Variants in PDE6A observed in about 807,000 individuals in gnomAD.
The protein encoded by PDE6A is phosphodiesterase 6A.
In PDE6A, 84 loss-of-function variants were observed where a neutral mutation model predicts 106.3. That is an observed-to-expected ratio of 0.79 (90% CI 0.66 to 0.95). The LOEUF (loss-of-function observed/expected upper bound fraction) is 0.95, where lower values mean the gene tolerates loss of function less well. PDE6A is among the 40% of genes least tolerant of loss of function. The pLI, the probability that PDE6A is intolerant of heterozygous loss-of-function variation, is 0.00. For missense variants in PDE6A, 1,052 were observed against 1,084.9 expected, an observed-to-expected ratio of 0.97 and a Z score of 0.43; for synonymous variants, 394 against 386.6, an observed-to-expected ratio of 1.02 and a Z score of -0.23.
At chr5:149,896,003 G>T (rs1038106365) in intron 12 of PDE6A, among the ~76,000 whole-genome samples, 4 of 152,104 alleles carry the variant, frequency 2.6e-5, no homozygotes, top group African/African-American at 9.7e-5. Flanking sequence ...CCTTAGTAAG[G>T]AATCCTGCAG....
In PDE6A at chr5:149,868,149, C is replaced by G; in HGVS notation, c.2145G>C (p.Met715Ile). ...TGGCTGAGAGATCACAGGCGGTCAT[C>G]ATCATGGCCCTGGGCACACAGGACA... The part of the protein sequence containing the change: ...QTRKEIVMAM[M>I]MTACDLSAIT... Residue 715 changes from methionine (M) to isoleucine (I), a missense_variant, in exon 18 of 22, where the codon ATG becomes ATC. Met to Ile is a conservative substitution (Grantham distance 10). Coordinates refer to ENST00000255266, the MANE Select transcript of PDE6A (RefSeq NM_000440.3). The G allele has an allele frequency of 6.2e-7, 1 of 1,614,194 alleles. No individual in the cohort carries two copies. The highest frequency in any genetic ancestry group is 8.5e-7 in the Non-Finnish European group (1 of 1,180,028).
chr5:149,943,815 A>T (rs1754384217), intron 1 of PDE6A, among the ~76,000 whole-genome samples: 1 of 147,926 alleles, frequency 6.8e-6, no homozygotes, highest in South Asian at 2.2e-4. Flanking sequence ...AGTACTGTGT[A>T]TTTCCAGAAC....
chr5:149,898,656 T>C (rs921315270), intron 9 of PDE6A, 150 bp from the exon 10 acceptor site: 1 of 727,562 alleles, frequency 1.4e-6, no homozygotes, highest in African/African-American at 1.8e-5. Context: ...GGAGTTCTTA[T>C]AAGGCTAAGA....
rs201026028 is a variant in PDE6A, at chr5:149,896,699, G to T, written c.1473+12C>A. The T allele has an allele frequency of 2.5e-6, 4 of 1,613,906 alleles. No homozygotes were observed. In the South Asian group the frequency reaches 4.4e-5, roughly 18 times the overall value. On this transcript the variant is annotated intron_variant, in intron 11 of 21. Coordinates refer to ENST00000255266, the MANE Select transcript of PDE6A (RefSeq NM_000440.3). Reference sequence around the variant, plus strand: ...TATACATCGGGGCTCGTGCTGCCCCGGTTCAGCTCACCAGGATCTCAGCCA... The same window carrying T: ...TATACATCGGGGCTCGTGCTGCCCCTGTTCAGCTCACCAGGATCTCAGCCA...
chr5:149,938,833 T>C (rs1561790644), intron 1 of PDE6A, among the ~76,000 whole-genome samples: 1 of 152,148 alleles, frequency 6.6e-6, no homozygotes, highest in Admixed American at 6.5e-5. Flanking sequence ...AAGTAGGAAT[T>C]TGGAGGGGGT....
chr5:149,871,610 G>GAGCA lies in PDE6A; in HGVS notation c.2136-3456_2136-3453dup, dbSNP rs201301509. Among the ~76,000 whole-genome samples the GAGCA allele has an allele frequency of 5.4e-3, 817 of 152,264 alleles. 12 individuals carry two copies. Among genetic ancestry groups the GAGCA allele is most frequent in the African/African-American group, 0.019 (786 of 41,538 alleles). Reference sequence around the variant, plus strand: ...AGCTTAAAGGTTGGGGGAGCTCAGGGAGCAGGTGGGAGACCTGGTAAGAGA... The same window carrying GAGCA: ...AGCTTAAAGGTTGGGGGAGCTCAGGGAGCAAGCAGGTGGGAGACCTGGTAAGAGA... On this transcript the variant is annotated intron_variant, in intron 17 of 21. Coordinates refer to ENST00000255266, the MANE Select transcript of PDE6A (RefSeq NM_000440.3).
chr5:149,944,382 T>C lies in PDE6A; in HGVS notation c.292A>G (p.Met98Val). 1.2e-6 allele frequency: 2 copies of C among 1,614,166 alleles called. No individual in the cohort carries two copies. The highest frequency in any genetic ancestry group is 3.3e-4 in the Middle Eastern group (2 of 6,062). Reference protein sequence around the residue: ...LLQADRMSLFMYRTRNGIAEL... With the variant: ...LLQADRMSLFVYRTRNGIAEL... ...GCGATGCCATTGCGGGTCCGGTACA[T>C]GAACAGGCTCATGCGGTCTGCCTGC... The change falls in exon 1 of 22, where the codon ATG becomes GTG. Residue 98 changes from methionine to valine, a missense_variant. Met to Val is a conservative substitution (Grantham distance 21). Around this residue, in one of 3 missense-constraint regions of PDE6A, gnomAD observed 913 missense variants for 915.2 expected, o/e 1.00. Coordinates refer to ENST00000255266, the MANE Select transcript of PDE6A (RefSeq NM_000440.3).
intron 1 of PDE6A, among the ~76,000 whole-genome samples, chr5:149,941,821 G>A (rs1359562909): frequency 2.0e-5 from 3 of 152,218 alleles, no homozygotes; most frequent in African/African-American, 7.2e-5. Context: ...ACAACTGACA[G>A]AAACTGAATA....
intron 2 of PDE6A, 43 bp downstream of exon 2, chr5:149,934,523 A>C: frequency 6.2e-7 from 1 of 1,604,858 alleles, no homozygotes; most frequent in Non-Finnish European, 8.5e-7. Context: ...AGGCTGGGAG[A>C]ATGTGCTAGC....
intron 13 of PDE6A, among the ~76,000 whole-genome samples, chr5:149,893,426 G>C (rs1371076194): frequency 6.6e-6 from 1 of 152,196 alleles, no homozygotes; most frequent in African/African-American, 2.4e-5. Context: ...CTGCCATCAT[G>C]AAGGAAACCG....
Position 149,921,572 on chromosome 5 carries a change from G to A in PDE6A, c.933+63C>T, listed in dbSNP as rs1018767507. 3.7e-6 allele frequency: 5 copies of A among 1,335,588 alleles called. No homozygotes were observed. The East Asian group carries it at 1.1e-4, about 31-fold the overall frequency. 82.7% of individuals were successfully genotyped at this position (1,335,588 alleles called of 1,614,324 possible). ...TATGCTAATAAAAAATCCTTTAACA[G>A]GGTTTACTGTGCCTTGCATTTGAAT... On this transcript the variant is annotated intron_variant, in intron 5 of 21. Coordinates refer to ENST00000255266, the MANE Select transcript of PDE6A (RefSeq NM_000440.3).
chr5:149,927,013 A>ATGAAAAC (rs1464830426), intron 4 of PDE6A, among the ~76,000 whole-genome samples: 5 of 151,070 alleles, frequency 3.3e-5, no homozygotes, highest in African/African-American at 1.2e-4. Flanking sequence ...GAGAGAGAGA[A>ATGAAAAC]TGAAAACACC....
intron 6 of PDE6A, among the ~76,000 whole-genome samples, chr5:149,914,062 A>T (rs952314098): frequency 6.6e-6 from 1 of 152,188 alleles, no homozygotes; most frequent in Non-Finnish European, 1.5e-5. Context: ...GAAGAGTAGC[A>T]CTGCAGAAAA....
At position 149,867,815 on chromosome 5, in the gene PDE6A, C is replaced by T. The variant is rs113282725; in HGVS notation, c.2200-16G>A. 3.7e-6 allele frequency: 6 copies of T among 1,610,882 alleles called. No homozygotes were observed. Among genetic ancestry groups the T allele is most frequent in the Non-Finnish European group, 5.1e-6 (6 of 1,179,350 alleles). On this transcript the variant is annotated splice_polypyrimidine_tract_variant and intron_variant, in intron 18 of 21. Transcript: ENST00000255266. ...GCAGAGCTACCTGCAACAGACAGAC[C>T]CTCACACACGCAGAGTCAGAGCCCC...
At chr5:149,890,006 A>G (rs1581171574) in intron 13 of PDE6A, among the ~76,000 whole-genome samples, 1 of 138,516 alleles carries the variant, frequency 7.2e-6, no homozygotes, top group African/African-American at 2.7e-5. Context: ...TCCAGGCTGG[A>G]GTGCAGTGGC....
At chr5:149,939,646 A>T (rs1754275176) in intron 1 of PDE6A, among the ~76,000 whole-genome samples, 1 of 152,214 alleles carries the variant, frequency 6.6e-6, no homozygotes, top group Non-Finnish European at 1.5e-5. Flanking sequence ...TTTCTACAAC[A>T]ATGCTGTGGG....
chr5:149,864,756 T>C (rs1430026444), intron 20 of PDE6A, among the ~76,000 whole-genome samples: 1 of 152,178 alleles, frequency 6.6e-6, no homozygotes, highest in Non-Finnish European at 1.5e-5. Context: ...GAGCCGACTG[T>C]GTTCAGAGAT....
At chr5:149,941,510 G>C (rs1456451716) in intron 1 of PDE6A, among the ~76,000 whole-genome samples, 2 of 152,224 alleles carry the variant, frequency 1.3e-5, no homozygotes, top group Non-Finnish European at 2.9e-5. Flanking sequence ...CTGGAAGAAA[G>C]AGCCAAGTGT....
chr5:149,876,522 A>G (rs1184371081), intron 17 of PDE6A, among the ~76,000 whole-genome samples: 1 of 151,994 alleles, frequency 6.6e-6, no homozygotes, highest in Non-Finnish European at 1.5e-5. Flanking sequence ...TAAATTTTCC[A>G]GGACAGAGTC....
Sources: allele counts gnomAD v4.1 joint callset (sites outside exome capture counted in the v4.1 genomes callset), GRCh38; gene constraint gnomAD v4.1.1; regional missense constraint gnomAD v4.1.1; transcripts MANE v1.5; gene names NCBI Gene and HGNC (gene_info 2026-07-23, HGNC 2026-07-21).